Variants in DNAJC19 observed in about 807,000 individuals in gnomAD.
The protein encoded by DNAJC19 is DnaJ heat shock protein family (Hsp40) member C19.
A neutral mutation model predicts 19.8 loss-of-function variants in DNAJC19; 15 were observed. The observed-to-expected ratio is 0.76, with a 90% CI of 0.51 to 1.17. The LOEUF is 1.17. Ranked by LOEUF, DNAJC19 falls within the 50% of genes most tolerant of loss-of-function variation. The pLI is 0.00. For missense variants in DNAJC19, 105 were observed against 140.9 expected, an observed-to-expected ratio of 0.75 and a Z score of 1.29; for synonymous variants, 38 against 42.1, an observed-to-expected ratio of 0.90 and a Z score of 0.38.
At chr3:180,987,822 T>A in intron 3 of DNAJC19, 1 of 646,194 alleles carries the variant, frequency 1.5e-6, no homozygotes, top group East Asian at 2.9e-5. Flanking sequence ...CAAAACCCCA[T>A]CCAACTCTGT....
chr3:180,989,370 G>A, intron 1 of DNAJC19: 1 of 1,426,378 alleles, frequency 7.0e-7, no homozygotes, highest in Non-Finnish European at 9.1e-7. Context: ...TGCAGAGCCC[G>A]TGCGGACAAG....
chr3:180,986,271 AGAAG>A (rs1482173967), intron 4 of DNAJC19, among the ~76,000 whole-genome samples: 2 of 150,292 alleles, frequency 1.3e-5, no homozygotes, highest in African/African-American at 4.9e-5. Context: ...TTGAAAATGA[AGAAG>A]GAAGAGTTTT....
intron 1 of DNAJC19, 48 bp downstream of exon 1, chr3:180,989,552 T>C: frequency 1.3e-6 from 2 of 1,563,762 alleles, no homozygotes; most frequent in Non-Finnish European, 1.7e-6. Context: ...GAGCTGAGGT[T>C]GAGGCCTGGG....
At position 180,984,301 on chromosome 3, in the gene DNAJC19, A is replaced by G. The variant is rs1256987522; in HGVS notation, c.*339T>C. ...TTTATCACAGTCTAATTACCAGTTT[A>G]TCAGTCTCCCATTAAAGTGGGGGCT... On this transcript the variant is annotated 3_prime_UTR_variant, in exon 6 of 6. Transcript: ENST00000382564. 1 of 458,616 alleles carries G rather than the reference A, an allele frequency of 2.2e-6. No homozygotes were observed. 28.4% of individuals were successfully genotyped at this position (458,616 alleles called of 1,614,324 possible).
chr3:180,987,994 G>A lies in DNAJC19; in HGVS notation c.129+29C>T, dbSNP rs755186742. On this transcript the variant is annotated intron_variant, in intron 3 of 5. Transcript: ENST00000382564. ...TAAGTGTGGCTCTAGGTTTCAAATA[G>A]AAGCAGCAAAGAATTAACAAAGTCT... 5 of 1,613,058 alleles carry A rather than the reference G, an allele frequency of 3.1e-6. No homozygotes were observed. In the South Asian group the frequency reaches 5.5e-5, roughly 18 times the overall value.
At chr3:180,984,758 T>G in intron 5 of DNAJC19, 48 bp from the exon 6 acceptor site, 5 of 1,392,234 alleles carry the variant, frequency 3.6e-6, no homozygotes, top group Non-Finnish European at 5.0e-6. Context: ...ATTCTCAATT[T>G]CTGCTTGGTA....
In DNAJC19 at chr3:180,987,072, T is replaced by G. The variant is rs765898637; in HGVS notation, c.130-50A>C. The G allele has an allele frequency of 2.5e-5, 39 of 1,530,886 alleles. No homozygotes were observed. The South Asian group carries it at 4.2e-4, about 16-fold the overall frequency. The allele number at this position is 1,530,886 out of a possible 1,614,324, so 94.8% of individuals were successfully genotyped here. A position where few individuals can be genotyped will look rare whatever the true frequency, so the allele number is the denominator to read the frequency against. On this transcript the variant is annotated intron_variant, in intron 3 of 5. Transcript: ENST00000382564. ...AGAAAGGTTAATAAAATAAAGTTGC[T>G]TTAAAAAAGACGTCTGGAAATATTC... is the stretch of plus-strand genomic sequence containing the variant.
intron 5 of DNAJC19, 117 bp from the exon 6 acceptor site, chr3:180,984,827 A>T (rs559506319): frequency 1.4e-6 from 1 of 717,042 alleles, no homozygotes; most frequent in African/African-American, 1.8e-5. Context: ...TAGCAGAAAC[A>T]GTGTTTTAAT....
At chr3:180,989,210 C>T in intron 1 of DNAJC19, 1 of 787,130 alleles carries the variant, frequency 1.3e-6, no homozygotes, top group Non-Finnish European at 1.7e-6. Context: ...AGACATCTGT[C>T]AGCAAAAGCC....
rs1324750289 is a variant in DNAJC19 at position 180,984,299 on chromosome 3, T to C, written c.*341A>G. 1 of 458,258 alleles carries C rather than the reference T, an allele frequency of 2.2e-6. No homozygotes were observed. The highest frequency in any genetic ancestry group is 4.4e-6 in the Non-Finnish European group (1 of 229,582). 28.4% of individuals were successfully genotyped at this position (458,258 alleles called of 1,614,324 possible). ...TATTTATCACAGTCTAATTACCAGT[T>C]TATCAGTCTCCCATTAAAGTGGGGG... On this transcript the variant is annotated 3_prime_UTR_variant, in exon 6 of 6. Transcript: ENST00000382564.
chr3:180,988,366 T>C (rs1715022392), intron 1 of DNAJC19, 137 bp from the exon 2 acceptor site: 3 of 1,062,704 alleles, frequency 2.8e-6, no homozygotes, highest in Non-Finnish European at 4.1e-6. Flanking sequence ...TTTTTTTTTT[T>C]TTTTTTAAGA....
intron 1 of DNAJC19, 29 bp from the exon 2 acceptor site, chr3:180,988,258 A>T (rs1348288053): frequency 1.2e-6 from 2 of 1,613,034 alleles, no homozygotes; most frequent in Admixed American, 1.7e-5. Context: ...GTAAATATTT[A>T]CTTCTCTAAT....
At chr3:180,987,810 G>C (rs1389803970) in intron 3 of DNAJC19, 2 of 609,896 alleles carry the variant, frequency 3.3e-6, no homozygotes, top group Non-Finnish European at 5.7e-6. Context: ...TACTAGAATT[G>C]TCAAAACCCC....
chr3:180,984,750 T>C, intron 5 of DNAJC19, 40 bp from the exon 6 acceptor site: 3 of 1,434,686 alleles, frequency 2.1e-6, no homozygotes, highest in Non-Finnish European at 1.9e-6. Flanking sequence ...CAATATGGAT[T>C]CTCAATTTCT....
At chr3:180,987,950 T>C (rs1053659944) in intron 3 of DNAJC19, 73 bp downstream of exon 3, 7 of 1,552,818 alleles carry the variant, frequency 4.5e-6, no homozygotes, top group Non-Finnish European at 6.2e-6. Context: ...TCATGGATAT[T>C]TGGAAATTTA....
chr3:180,986,101 A>G (rs933667899), intron 4 of DNAJC19, 105 bp from the exon 5 acceptor site: 10 of 896,320 alleles, frequency 1.1e-5, no homozygotes, highest in Non-Finnish European at 1.6e-5. Flanking sequence ...TAGTAAATTA[A>G]CACAACAGTA....
chr3:180,987,187 A>G, intron 3 of DNAJC19, 165 bp from the exon 4 acceptor site: 1 of 646,816 alleles, frequency 1.5e-6, no homozygotes, highest in South Asian at 1.9e-5. Flanking sequence ...TTTATAAATA[A>G]GTAGCAACAA....
chr3:180,986,821 C>T (rs1714933404), intron 4 of DNAJC19, 122 bp downstream of exon 4: 1 of 812,286 alleles, frequency 1.2e-6, no homozygotes, highest in African/African-American at 1.7e-5. Context: ...TTGGTAATAT[C>T]AATCTTCCTA....
chr3:180,987,742 G>A, intron 3 of DNAJC19: 1 of 464,634 alleles, frequency 2.2e-6, no homozygotes, highest in Non-Finnish European at 3.9e-6. Flanking sequence ...ACAAGAATAT[G>A]TACAGATGAT....
Sources: allele counts gnomAD v4.1 joint callset (sites outside exome capture counted in the v4.1 genomes callset), GRCh38; gene constraint gnomAD v4.1.1; transcripts MANE v1.5; gene names NCBI Gene and HGNC (gene_info 2026-07-23, HGNC 2026-07-21).